The following RTL4 variants were observed in gnomAD, a reference collection of about 807,000 sequenced individuals.
RTL4 encodes retrotransposon Gag-like protein 4.
In RTL4, 4 loss-of-function variants were observed where a neutral mutation model predicts 5.3. That is an observed-to-expected ratio of 0.75 (90% CI 0.37 to 1.72). RTL4 has a LOEUF of 1.72. Among genes scored for constraint, RTL4 ranks in the 40% most tolerant of loss-of-function variants. The pLI is 0.04. For missense variants in RTL4, 260 were observed against 227.1 expected (o/e 1.14, Z -0.93); for synonymous variants, 98 against 87.3 (o/e 1.12, Z -0.68).
the RTL4 span, among the ~76,000 whole-genome samples, chrX:112,400,542 C>G: frequency 1.8e-5 from 2 of 111,484 alleles, no homozygotes; most frequent in Non-Finnish European, 3.8e-5. Context: ...TAACTGTCTT[C>G]TTCTCTTAAT....
At chrX:112,227,131 G>T in the RTL4 span, among the ~76,000 whole-genome samples, 2 of 110,875 alleles carry the variant, frequency 1.8e-5, no homozygotes, top group South Asian at 3.8e-4. Flanking sequence ...CTCACCCCAA[G>T]CTTTGGTCAG....
the RTL4 span, among the ~76,000 whole-genome samples, chrX:112,350,547 T>C: frequency 9.0e-6 from 1 of 111,389 alleles, no homozygotes; most frequent in Non-Finnish European, 1.9e-5. Flanking sequence ...TCAGAGCCTG[T>C]TATTGGTCTA....
exon 1 of RTL4, chrX:112,455,336 A>G: frequency 2.5e-6 from 3 of 1,211,676 alleles, no homozygotes; most frequent in Non-Finnish European, 3.4e-6. Context: ...GATATGATGG[A>G]CAATCTTCCA....
the RTL4 span, among the ~76,000 whole-genome samples, chrX:112,390,818 A>G: frequency 9.0e-6 from 1 of 111,421 alleles, no homozygotes; most frequent in African/African-American, 3.3e-5. Flanking sequence ...CTTATGTAGA[A>G]TCTTACAGGA....
chrX:112,195,536 T>C, the RTL4 span, among the ~76,000 whole-genome samples: 4 of 111,432 alleles, frequency 3.6e-5, no homozygotes, highest in Non-Finnish European at 3.8e-5. Flanking sequence ...GTTATCCTCT[T>C]TGGGGTCTTG....
the RTL4 span, among the ~76,000 whole-genome samples, chrX:112,373,195 A>G: frequency 9.0e-6 from 1 of 111,656 alleles, no homozygotes; most frequent in African/African-American, 3.3e-5. Context: ...GTATGTATGT[A>G]TACATTCAAC....
the RTL4 span, among the ~76,000 whole-genome samples, chrX:112,436,169 A>T: frequency 9.1e-6 from 1 of 110,367 alleles, no homozygotes; most frequent in African/African-American, 3.3e-5. Flanking sequence ...GTGAGCCGAG[A>T]TCGTGCCACT....
At chrX:112,372,999 A>G in the RTL4 span, among the ~76,000 whole-genome samples, 1 of 111,245 alleles carries the variant, frequency 9.0e-6, no homozygotes, top group East Asian at 2.8e-4. Flanking sequence ...CAGGCTCAAG[A>G]AAATTATTTT....
the RTL4 span, among the ~76,000 whole-genome samples, chrX:112,286,523 G>A: frequency 9.0e-6 from 1 of 111,284 alleles, no homozygotes; most frequent in African/African-American, 3.3e-5. Context: ...GATCAATCTC[G>A]GTGCTATTCC....
chrX:112,357,864 T>C, the RTL4 span, among the ~76,000 whole-genome samples: 1 of 111,834 alleles, frequency 8.9e-6, no homozygotes, highest in Admixed American at 9.5e-5. Flanking sequence ...TGTATGCTAA[T>C]CTCAGGTTCT....
the RTL4 span, among the ~76,000 whole-genome samples, chrX:112,092,926 G>A: frequency 9.9e-4 from 110 of 111,265 alleles, no homozygotes; most frequent in African/African-American, 3.4e-3. Flanking sequence ...GTCTTTATCA[G>A]CAGCGTGAAA....
At chrX:112,252,887 A>G in the RTL4 span, among the ~76,000 whole-genome samples, 1 of 110,936 alleles carries the variant, frequency 9.0e-6, no homozygotes, top group Non-Finnish European at 1.9e-5. Context: ...GATGGAAAAT[A>G]CCTCAATCAA....
At chrX:112,193,414 C>T in the RTL4 span, among the ~76,000 whole-genome samples, 1 of 111,298 alleles carries the variant, frequency 9.0e-6, no homozygotes, top group Non-Finnish European at 1.9e-5. Flanking sequence ...GACCCATTAA[C>T]CAATCCCTAT....
At chrX:112,231,730 A>T in the RTL4 span, among the ~76,000 whole-genome samples, 7 of 111,221 alleles carry the variant, frequency 6.3e-5, no homozygotes, top group African/African-American at 2.0e-4. Context: ...ATAATAATAA[A>T]AAAATTGCAT....
chrX:112,394,322 C>G, the RTL4 span, among the ~76,000 whole-genome samples: 1 of 111,633 alleles, frequency 9.0e-6, no homozygotes, highest in African/African-American at 3.2e-5. Flanking sequence ...CCTTCCATTC[C>G]TCTCCATGAG....
the RTL4 span, among the ~76,000 whole-genome samples, chrX:112,199,014 C>A: frequency 9.0e-6 from 1 of 110,867 alleles, no homozygotes; most frequent in Non-Finnish European, 1.9e-5. Flanking sequence ...AGCAGGCTGG[C>A]GCGGTGGCTC....
At chrX:112,319,445 A>G in the RTL4 span, among the ~76,000 whole-genome samples, 1 of 112,198 alleles carries the variant, frequency 8.9e-6, no homozygotes, top group East Asian at 2.8e-4. Flanking sequence ...CCATAGTAAT[A>G]GAAAGAGTAA....
At chrX:112,296,826 C>T in the RTL4 span, among the ~76,000 whole-genome samples, 1 of 106,964 alleles carries the variant, frequency 9.3e-6, no homozygotes, top group Non-Finnish European at 1.9e-5. Flanking sequence ...ACCGTGTTAG[C>T]CAGGATGGTC....
chrX:112,176,869 T>C, the RTL4 span, among the ~76,000 whole-genome samples: 1 of 111,234 alleles, frequency 9.0e-6, no homozygotes. Flanking sequence ...CCATTCTACT[T>C]GCTACCTCCA....
Sources: allele counts gnomAD v4.1 joint callset (sites outside exome capture counted in the v4.1 genomes callset), GRCh38; gene constraint gnomAD v4.1.1; transcripts MANE v1.5; gene names NCBI Gene and HGNC (gene_info 2026-07-23, HGNC 2026-07-21).